FYB1: variants seen among roughly 807,000 people sequenced by gnomAD.
FYB1 encodes FYN-binding protein 1.
In FYB1, 41 loss-of-function variants were observed where a neutral mutation model predicts 94.1. The ratio of observed to expected loss-of-function variants is 0.44; its 90% CI spans 0.34 to 0.57. FYB1 has a LOEUF of 0.57. FYB1 is among the 20% of genes least tolerant of loss of function. The probability of loss-of-function intolerance (pLI) is 0.02; values close to 1 mark genes in which losing one functional copy is unlikely to be tolerated. For synonymous variants in FYB1, 367 were observed against 353.2 expected (o/e 1.04, Z -0.44); for missense variants, 1,050 against 976.8 (o/e 1.07, Z -1.00).
At chr5:39,231,162 C>CAAAAAAAAAAAAAAAAAAAAA (rs368893259) in intron 1 of FYB1, among the ~76,000 whole-genome samples, 1 of 134,584 alleles carries the variant, frequency 7.4e-6, no homozygotes, top group African/African-American at 3.0e-5. Flanking sequence ...AAAAAAAAAA[C>CAAAAAAAAAAAAAAAAAAAAA]AAAAAAAAAC....
chr5:39,220,291 G>A (rs952951417), upstream of FYB1, among the ~76,000 whole-genome samples: 1 of 151,662 alleles, frequency 6.6e-6, no homozygotes, highest in Non-Finnish European at 1.5e-5. Flanking sequence ...CATGCCTGTA[G>A]CCCCAGACAT....
In FYB1 at chr5:39,124,249, T is replaced by G; in HGVS notation, c.2071+4A>C. 1 of 1,557,900 alleles carries G rather than the reference T, an allele frequency of 6.4e-7. No homozygotes were observed. The highest frequency in any genetic ancestry group is 1.2e-5 in the South Asian group (1 of 82,964). ...AGAACATACAATCAGTTTTTATTACTTACCCAATTGTTTAGGAGGAGCAGG... is the reference window on the plus strand; with the variant it reads ...AGAACATACAATCAGTTTTTATTACGTACCCAATTGTTTAGGAGGAGCAGG... On this transcript the variant is annotated splice_donor_region_variant and intron_variant, in intron 13 of 18. Transcript: ENST00000512982.
intron 8 of FYB1, 108 bp from the exon 9 acceptor site, chr5:39,134,457 A>G: frequency 9.9e-7 from 1 of 1,013,840 alleles, no homozygotes; most frequent in Non-Finnish European, 1.4e-6. Context: ...CCCCTGATTT[A>G]TTTTCTTGTA....
chr5:39,235,801 G>A (rs917801946), intron 1 of FYB1, among the ~76,000 whole-genome samples: 4 of 151,912 alleles, frequency 2.6e-5, no homozygotes, highest in Admixed American at 2.0e-4. Context: ...GAAATCAAAC[G>A]TCTTCTATAT....
In FYB1 at chr5:39,230,523, G is replaced by A. The variant is rs1001117116; in HGVS notation, c.-27-27536C>T. On this transcript the variant is annotated intron_variant, in intron 1 of 1. Coordinates refer to the FYB1 transcript ENST00000510188. ...ATGAAATTCATGGTAATTTGTCACA[G>A]CATATATATATGTATATATGTATAA... Among the ~76,000 whole-genome samples the A allele has an allele frequency of 3.6e-4, 54 of 151,876 alleles. 1 individual carries two copies. The highest frequency in any genetic ancestry group is 1.3e-3 in the African/African-American group (53 of 41,312).
chr5:39,234,142 C>T (rs576333729), intron 1 of FYB1, among the ~76,000 whole-genome samples: 2 of 152,036 alleles, frequency 1.3e-5, no homozygotes, highest in East Asian at 3.9e-4. Context: ...TATTCACTGC[C>T]CCATCACCAC....
At chr5:39,142,340 C>CA (rs1203674985) in intron 3 of FYB1, among the ~76,000 whole-genome samples, 1 of 152,118 alleles carries the variant, frequency 6.6e-6, no homozygotes, top group Non-Finnish European at 1.5e-5. Context: ...GATGAAGCAG[C>CA]AGTCATTAGG....
intron 1 of FYB1, among the ~76,000 whole-genome samples, chr5:39,217,686 C>A (rs1303737306): frequency 1.3e-5 from 2 of 152,206 alleles, no homozygotes; most frequent in Non-Finnish European, 2.9e-5. Flanking sequence ...AGCTCAGGAT[C>A]TTGATTCTGG....
chr5:39,174,468 T>C (rs530479264), intron 2 of FYB1, among the ~76,000 whole-genome samples: 2 of 152,340 alleles, frequency 1.3e-5, no homozygotes, highest in East Asian at 3.9e-4. Flanking sequence ...TGTGAAGCCA[T>C]CTTCCTGGTT....
intron 3 of FYB1, among the ~76,000 whole-genome samples, chr5:39,147,786 T>C (rs1377872717): frequency 6.7e-6 from 1 of 148,496 alleles, no homozygotes; most frequent in Admixed American, 6.8e-5. Context: ...GTTCACGCCA[T>C]TCTCCTGCCT....
chr5:39,252,868 C>G (rs1344529458), intron 1 of FYB1, among the ~76,000 whole-genome samples: 1 of 152,174 alleles, frequency 6.6e-6, no homozygotes, highest in Non-Finnish European at 1.5e-5. Flanking sequence ...GTACCTCATC[C>G]AGGGTTGCTG....
Position 39,156,815 on chromosome 5 carries a change from A to G in FYB1, c.1136-3211T>C, listed in dbSNP as rs151155891. On this transcript the variant is annotated intron_variant, in intron 2 of 18. Transcript: ENST00000512982. ...TCTAAAATCTCAATCTGGACTTTAT[A>G]AAGTGTACTAAAATATAATTAGAAA... Among the ~76,000 whole-genome samples, 368 of 152,356 alleles carry G rather than the reference A, an allele frequency of 2.4e-3. 1 individual carries two copies. Among genetic ancestry groups the G allele is most frequent in the African/African-American group, 8.4e-3 (350 of 41,576 alleles).
At chr5:39,134,802 A>G in intron 8 of FYB1, 53 bp downstream of exon 8, 1 of 1,592,726 alleles carries the variant, frequency 6.3e-7, no homozygotes. Flanking sequence ...ATGTACATTG[A>G]ATATTGCCTC....
chr5:39,257,419 T>G (rs1561313301), intron 1 of FYB1, among the ~76,000 whole-genome samples: 1 of 123,424 alleles, frequency 8.1e-6, no homozygotes, highest in Non-Finnish European at 1.9e-5. Flanking sequence ...TTGCAGAATT[T>G]TTTTTTTTTT....
At chr5:39,126,852 A>G (rs1021819874) in intron 11 of FYB1, among the ~76,000 whole-genome samples, 1 of 151,940 alleles carries the variant, frequency 6.6e-6, no homozygotes. Flanking sequence ...CGAGATCAGA[A>G]GTTCGAGACC....
intron 1 of FYB1, among the ~76,000 whole-genome samples, chr5:39,268,588 C>T (rs904614399): frequency 6.6e-5 from 10 of 151,232 alleles, no homozygotes; most frequent in Admixed American, 2.0e-4. Flanking sequence ...CTTTTTGAGA[C>T]GGAATTTTGC....
At chr5:39,247,889 T>TTTTTGTTTTGTTTTG (rs59562725) in intron 1 of FYB1, among the ~76,000 whole-genome samples, 78,668 of 149,110 alleles carry the variant, frequency 0.53, 23,903 homozygotes, top group Non-Finnish European at 0.69. Context: ...TACTTTCTTG[T>TTTTTGTTTTGTTTTG]TTTTGTTTTG....
At chr5:39,184,711 T>TAA (rs539588538) in intron 2 of FYB1, among the ~76,000 whole-genome samples, 1 of 152,016 alleles carries the variant, frequency 6.6e-6, no homozygotes, top group Non-Finnish European at 1.5e-5. Context: ...TAGTGTTACT[T>TAA]AAAAAAAATC....
intron 3 of FYB1, among the ~76,000 whole-genome samples, chr5:39,148,405 T>G (rs1174352796): frequency 1.8e-5 from 2 of 111,628 alleles, no homozygotes; most frequent in African/African-American, 8.3e-5. Context: ...TTTTTTTTTT[T>G]TTTTTTTTTT....
Sources: allele counts gnomAD v4.1 joint callset (sites outside exome capture counted in the v4.1 genomes callset), GRCh38; gene constraint gnomAD v4.1.1; transcripts MANE v1.5; gene names NCBI Gene and HGNC (gene_info 2026-07-23, HGNC 2026-07-21).